ZDHHC2: variants seen among roughly 807,000 people sequenced by gnomAD.
ZDHHC2 encodes palmitoyltransferase ZDHHC2.
ZDHHC2 carries 51 observed loss-of-function variants against 55.6 expected under a neutral mutation model. The observed-to-expected ratio is 0.92, with a 90% CI of 0.73 to 1.16. The LOEUF (loss-of-function observed/expected upper bound fraction) is 1.16, where lower values mean the gene tolerates loss of function less well. Among genes scored for constraint, ZDHHC2 ranks in the 50% most tolerant of loss-of-function variants. The pLI, the probability that ZDHHC2 is intolerant of heterozygous loss-of-function variation, is 0.00. For missense variants in ZDHHC2, 491 were observed against 442.4 expected, an observed-to-expected ratio of 1.11 and a Z score of -0.99; for synonymous variants, 199 against 152.9, an observed-to-expected ratio of 1.30 and a Z score of -2.22.
At chr8:17,165,871 T>A (rs551402276) in intron 1 of ZDHHC2, among the ~76,000 whole-genome samples, 1 of 152,292 alleles carries the variant, frequency 6.6e-6, no homozygotes, top group East Asian at 1.9e-4. Flanking sequence ...ATGCGGGTAT[T>A]GTGGAGAAAT....
chr8:17,190,805 G>A (rs1324365307), intron 3 of ZDHHC2, among the ~76,000 whole-genome samples: 2 of 151,890 alleles, frequency 1.3e-5, no homozygotes, highest in East Asian at 1.9e-4. Context: ...TCACATCAGC[G>A]TAAATTGGGT....
rs541050945 is a variant in ZDHHC2, at chr8:17,174,081, TTTC to T, written c.131-10693_131-10691del. On this transcript the variant is annotated intron_variant, in intron 1 of 12. Transcript: ENST00000262096. The stretch of plus-strand genomic sequence containing the variant: ...GCACCTCAATTTGTGCTCTATTCTT[TTTC>T]TTCTTCTTCTTCTTTTTTTTTTTTT... Among the ~76,000 whole-genome samples the T allele has an allele frequency of 6.4e-3, 975 of 151,186 alleles. 4 individuals are homozygous for T. Among genetic ancestry groups the T allele is most frequent in the South Asian group, 0.011 (50 of 4,754 alleles).
chr8:17,187,854 T>G (rs966092319), intron 3 of ZDHHC2, among the ~76,000 whole-genome samples: 1 of 152,332 alleles, frequency 6.6e-6, no homozygotes, highest in South Asian at 2.1e-4. Context: ...CATAGCTTCT[T>G]GATAATTCCA....
At chr8:17,212,504 A>G (rs1389611408) in intron 10 of ZDHHC2, among the ~76,000 whole-genome samples, 1 of 152,154 alleles carries the variant, frequency 6.6e-6, no homozygotes, top group Non-Finnish European at 1.5e-5. Context: ...CTCCATTTGC[A>G]AATCCTATCA....
At chr8:17,184,074 T>C (rs1395353486) in intron 1 of ZDHHC2, among the ~76,000 whole-genome samples, 6 of 152,150 alleles carry the variant, frequency 3.9e-5, no homozygotes, top group African/African-American at 7.2e-5. Context: ...CCAAAGACTC[T>C]AGTACAAAGA....
intron 1 of ZDHHC2, among the ~76,000 whole-genome samples, chr8:17,178,994 A>T (rs775809856): frequency 6.6e-6 from 1 of 152,130 alleles, no homozygotes; most frequent in Admixed American, 6.5e-5. Flanking sequence ...TCTGTTGCCC[A>T]GGCTTGAATG....
At chr8:17,202,372 G>A (rs1156882972) in intron 6 of ZDHHC2, among the ~76,000 whole-genome samples, 1 of 151,984 alleles carries the variant, frequency 6.6e-6, no homozygotes, top group Admixed American at 6.6e-5. Context: ...GAAAGAGAGG[G>A]CTCAAAGTCA....
chr8:17,203,338 C>T (rs1379676182), intron 6 of ZDHHC2, among the ~76,000 whole-genome samples: 2 of 152,166 alleles, frequency 1.3e-5, no homozygotes, highest in Non-Finnish European at 2.9e-5. Flanking sequence ...TCAAGTGCTT[C>T]TCCTGCCTCT....
Position 17,223,867 on chromosome 8 carries a change from A to AT in ZDHHC2, c.*3653dup, listed in dbSNP as rs1159493172. The AT allele has an allele frequency of 1.3e-5, 2 of 151,688 alleles. No individual in the cohort carries two copies. The highest frequency in any genetic ancestry group is 2.1e-4 in the South Asian group (1 of 4,828). 9.4% of individuals were successfully genotyped at this position (151,688 alleles called of 1,614,324 possible). A position where few individuals can be genotyped will look rare whatever the true frequency, so the allele number is the denominator to read the frequency against. On this transcript the variant is annotated 3_prime_UTR_variant, in exon 13 of 13. Transcript: ENST00000262096. Reference sequence around the variant, plus strand: ...ATTTTCCTTTTCTCTTTTCCATAAGATTTTTTTATTGTAGTAGTGCCCTGG... The same window carrying AT: ...ATTTTCCTTTTCTCTTTTCCATAAGATTTTTTTTATTGTAGTAGTGCCCTGG...
Position 17,221,428 on chromosome 8 carries a change from T to A in ZDHHC2, c.*1207T>A, listed in dbSNP as rs1163519530. Reference sequence around the variant, plus strand: ...TTATTTGAGTCCAGTATAATTCATGTAAATGTTAACAATTAGAATAATACT... The same window carrying A: ...TTATTTGAGTCCAGTATAATTCATGAAAATGTTAACAATTAGAATAATACT... On this transcript the variant is annotated 3_prime_UTR_variant, in exon 13 of 13. Coordinates refer to ENST00000262096, the MANE Select transcript of ZDHHC2 (RefSeq NM_016353.5). 1 of 152,562 alleles carries A rather than the reference T, an allele frequency of 6.6e-6. No homozygotes were observed. Among genetic ancestry groups the A allele is most frequent in the Non-Finnish European group, 1.5e-5 (1 of 67,972 alleles). 9.5% of individuals were successfully genotyped at this position (152,562 alleles called of 1,614,324 possible).
intron 6 of ZDHHC2, among the ~76,000 whole-genome samples, chr8:17,203,889 C>A (rs1806954072): frequency 6.6e-6 from 1 of 150,894 alleles, no homozygotes; most frequent in African/African-American, 2.4e-5. Flanking sequence ...CTCACTGCAC[C>A]CTCCACCTCC....
intron 1 of ZDHHC2, among the ~76,000 whole-genome samples, chr8:17,173,140 G>A (rs562095522): frequency 3.3e-5 from 5 of 152,164 alleles, no homozygotes; most frequent in Non-Finnish European, 7.3e-5. Context: ...GCAAGGAAGA[G>A]AACGGCTGCC....
chr8:17,184,677 T>C lies in ZDHHC2; in HGVS notation c.131-112T>C, dbSNP rs551482071. The C allele has an allele frequency of 1.6e-4, 131 of 831,776 alleles. No homozygotes were observed. In the African/African-American group the frequency reaches 1.9e-3, roughly 12 times the overall value. 51.5% of individuals were successfully genotyped at this position (831,776 alleles called of 1,614,324 possible). On this transcript the variant is annotated intron_variant, in intron 1 of 12. Coordinates refer to ENST00000262096, the MANE Select transcript of ZDHHC2 (RefSeq NM_016353.5). ...TAAAGTTGAATAAATATTTAGAGAA[T>C]GTTGGTTTGAAGGGAAGCCACATTA...
At chr8:17,173,497 G>A (rs1434464218) in intron 1 of ZDHHC2, among the ~76,000 whole-genome samples, 1 of 151,846 alleles carries the variant, frequency 6.6e-6, no homozygotes, top group Non-Finnish European at 1.5e-5. Flanking sequence ...ACAACAAAGG[G>A]AGATGCTATC....
chr8:17,211,620 T>C (rs939843303), intron 10 of ZDHHC2, among the ~76,000 whole-genome samples: 1 of 152,054 alleles, frequency 6.6e-6, no homozygotes. Flanking sequence ...CCTTTTAAAT[T>C]GGGAATTAAA....
intron 3 of ZDHHC2, among the ~76,000 whole-genome samples, chr8:17,188,882 C>G (rs896100244): frequency 6.6e-6 from 1 of 152,162 alleles, no homozygotes; most frequent in African/African-American, 2.4e-5. Flanking sequence ...CAGTTTCACT[C>G]TTCTGTTCAG....
chr8:17,166,003 G>A (rs1333993018), intron 1 of ZDHHC2, among the ~76,000 whole-genome samples: 1 of 152,214 alleles, frequency 6.6e-6, no homozygotes, highest in Non-Finnish European at 1.5e-5. Context: ...AGGGAAGTAG[G>A]TGACAGGTCA....
At chr8:17,167,724 T>C (rs1804672991) in intron 1 of ZDHHC2, among the ~76,000 whole-genome samples, 1 of 152,156 alleles carries the variant, frequency 6.6e-6, no homozygotes, top group Admixed American at 6.5e-5. Context: ...ACTTGAAAAT[T>C]TAAAAGATAA....
chr8:17,184,892 G>C, intron 2 of ZDHHC2, 77 bp downstream of exon 2: 1 of 1,309,054 alleles, frequency 7.6e-7, no homozygotes, highest in Middle Eastern at 2.5e-4. Flanking sequence ...ATTTGGTTGG[G>C]ATTAATAAAT....
Sources: gnomAD v4.1 joint callset for allele counts (sites outside exome capture counted in the v4.1 genomes callset) on GRCh38, gnomAD v4.1.1 for gene constraint, MANE v1.5 for transcripts, NCBI Gene and HGNC (gene_info 2026-07-23, HGNC 2026-07-21) for gene names.